The following ADAMTS12 variants were observed in gnomAD, a reference collection of about 807,000 sequenced individuals.
ADAMTS12 encodes the protein ADAM metallopeptidase with thrombospondin type 1 motif 12.
Under a neutral mutation model 167.8 loss-of-function variants are expected in ADAMTS12, and 118 were observed. The ratio of observed to expected loss-of-function variants is 0.70; its 90% CI spans 0.61 to 0.82. ADAMTS12 has a LOEUF of 0.82. Ranked by LOEUF, ADAMTS12 falls within the 40% of genes least tolerant of loss-of-function variation. ADAMTS12 has a pLI of 0.00. For missense variants in ADAMTS12, 1,916 were observed against 1,998.8 expected (o/e 0.96, Z 0.79); for synonymous variants, 704 against 716.9 (o/e 0.98, Z 0.29).
chr5:33,527,790 G>A (rs1020282608), intron 23 of ADAMTS12, among the ~76,000 whole-genome samples: 1 of 152,310 alleles, frequency 6.6e-6, no homozygotes, highest in Non-Finnish European at 1.5e-5. Context: ...GAAGAACCTG[G>A]CTGGTGCAGC....
intron 20 of ADAMTS12, among the ~76,000 whole-genome samples, chr5:33,549,744 C>T (rs1027337395): frequency 2.0e-5 from 3 of 152,250 alleles, no homozygotes; most frequent in Non-Finnish European, 4.4e-5. Context: ...AGCATCTGCC[C>T]CAGTGGGTGG....
At chr5:33,727,674 TG>T (rs1442764587) in intron 3 of ADAMTS12, among the ~76,000 whole-genome samples, 2 of 152,128 alleles carry the variant, frequency 1.3e-5, no homozygotes, top group African/African-American at 4.8e-5. Context: ...GCTTGAGGCT[TG>T]TATGCATCCT....
At chr5:33,560,921 AAG>A (rs1745716486) in intron 20 of ADAMTS12, 104 bp downstream of exon 20, 1 of 1,351,752 alleles carries the variant, frequency 7.4e-7, no homozygotes, top group Admixed American at 2.7e-5. Context: ...AATTAAGAAA[AAG>A]AAAAAAAAAA....
chr5:33,847,744 G>C (rs1428082925), intron 2 of ADAMTS12, among the ~76,000 whole-genome samples: 1 of 152,206 alleles, frequency 6.6e-6, no homozygotes. Flanking sequence ...AAAAGTAGCA[G>C]TAAGTTAGGC....
At chr5:33,551,419 A>G (rs1745249774) in intron 20 of ADAMTS12, among the ~76,000 whole-genome samples, 1 of 152,256 alleles carries the variant, frequency 6.6e-6, no homozygotes, top group South Asian at 2.1e-4. Context: ...CCTGCCACAC[A>G]GTAAGCACAC....
At chr5:33,571,620 C>T (rs1746355989) in intron 19 of ADAMTS12, among the ~76,000 whole-genome samples, 1 of 151,672 alleles carries the variant, frequency 6.6e-6, no homozygotes, top group Admixed American at 6.6e-5. Flanking sequence ...AAATTTATAG[C>T]ACTAAATGCC....
At position 33,595,145 on chromosome 5, in the gene ADAMTS12, C is replaced by A. The variant is rs1747853870; in HGVS notation, c.2654+789G>T. Among the ~76,000 whole-genome samples, 3 of 151,912 alleles carry A rather than the reference C, an allele frequency of 2.0e-5. No individual in the cohort carries two copies. The South Asian group carries it at 6.2e-4, about 32-fold the overall frequency. On this transcript the variant is annotated intron_variant, in intron 17 of 23. Transcript: ENST00000504830. ...CTTCTTCTCCTTCTTCCTCCTTTAT[C>A]TTTTTCCTTTCTTTTTTTTCTCTCT...
intron 3 of ADAMTS12, among the ~76,000 whole-genome samples, chr5:33,706,037 G>A (rs1338751056): frequency 1.3e-5 from 2 of 151,996 alleles, no homozygotes; most frequent in Non-Finnish European, 2.9e-5. Flanking sequence ...AAAATAATAT[G>A]ACTAACCAAA....
intron 7 of ADAMTS12, among the ~76,000 whole-genome samples, chr5:33,655,606 CTTT>C (rs34629933): frequency 1.6e-4 from 11 of 68,442 alleles, no homozygotes; most frequent in South Asian, 3.4e-4. Context: ...TCGGGGTTGA[CTTT>C]TTTTTTTTTA....
At chr5:33,683,375 T>G (rs576986656) in intron 4 of ADAMTS12, among the ~76,000 whole-genome samples, 1 of 152,324 alleles carries the variant, frequency 6.6e-6, no homozygotes, top group South Asian at 2.1e-4. Context: ...TCTTCTATTA[T>G]CAGTTACTCA....
At chr5:33,849,448 G>C (rs1343863100) in intron 2 of ADAMTS12, among the ~76,000 whole-genome samples, 1 of 125,682 alleles carries the variant, frequency 8.0e-6, no homozygotes, top group Non-Finnish European at 1.7e-5. Flanking sequence ...ATATATATAT[G>C]TATTGCACAG....
intron 1 of ADAMTS12, among the ~76,000 whole-genome samples, chr5:33,891,277 G>C (rs1439232111): frequency 2.0e-5 from 3 of 152,122 alleles, no homozygotes; most frequent in Non-Finnish European, 4.4e-5. Flanking sequence ...CTGCTCAGTA[G>C]GGGGGAAGAA....
intron 16 of ADAMTS12, among the ~76,000 whole-genome samples, chr5:33,605,694 G>A (rs2112067423): frequency 6.6e-6 from 1 of 152,268 alleles, no homozygotes; most frequent in South Asian, 2.1e-4. Context: ...CATGTAATAG[G>A]AGTCACAGAA....
chr5:33,678,033 A>G (rs920905534), intron 5 of ADAMTS12, among the ~76,000 whole-genome samples: 1 of 152,184 alleles, frequency 6.6e-6, no homozygotes, highest in Non-Finnish European at 1.5e-5. Context: ...GGTGTTACCC[A>G]TGAGATTTAT....
At chr5:33,755,220 A>C (rs1745127371) in intron 2 of ADAMTS12, among the ~76,000 whole-genome samples, 1 of 152,218 alleles carries the variant, frequency 6.6e-6, no homozygotes, top group Non-Finnish European at 1.5e-5. Flanking sequence ...TTCAAGAGTT[A>C]GGGGCTGACC....
chr5:33,598,986 C>T (rs1374418156), intron 16 of ADAMTS12, among the ~76,000 whole-genome samples: 1 of 152,332 alleles, frequency 6.6e-6, no homozygotes. Flanking sequence ...ACTCAGCGCC[C>T]TTGGAAAGGC....
intron 2 of ADAMTS12, among the ~76,000 whole-genome samples, chr5:33,830,705 C>T (rs925757381): frequency 2.0e-5 from 3 of 152,014 alleles, no homozygotes; most frequent in Non-Finnish European, 4.4e-5. Context: ...GATGGGAGTG[C>T]TGTTTGAGCC....
intron 2 of ADAMTS12, among the ~76,000 whole-genome samples, chr5:33,835,956 T>C: frequency 8.9e-5 from 1 of 11,248 alleles, no homozygotes; most frequent in African/African-American, 1.7e-4. Context: ...TCTCTCTCTG[T>C]GTGTGTGTGT....
intron 5 of ADAMTS12, among the ~76,000 whole-genome samples, chr5:33,673,533 C>A (rs1288353992): frequency 6.6e-6 from 1 of 152,144 alleles, no homozygotes; most frequent in Non-Finnish European, 1.5e-5. Flanking sequence ...TCATGTGCTG[C>A]TAATTTTACC....
Sources: allele counts gnomAD v4.1 joint callset (sites outside exome capture counted in the v4.1 genomes callset), GRCh38; gene constraint gnomAD v4.1.1; transcripts MANE v1.5; gene names NCBI Gene and HGNC (gene_info 2026-07-23, HGNC 2026-07-21).